Variants in PPM1B observed in about 807,000 individuals in gnomAD.
PPM1B encodes the protein protein phosphatase 1B.
Under a neutral mutation model 43.0 loss-of-function variants are expected in PPM1B, and 22 were observed. That is an observed-to-expected ratio of 0.51 (90% confidence interval 0.37 to 0.73). PPM1B has a LOEUF of 0.73. Among genes scored for constraint, PPM1B ranks in the 30% least tolerant of loss-of-function variants. The pLI, the probability that PPM1B is intolerant of heterozygous loss-of-function variation, is 0.00. For synonymous variants in PPM1B, 217 were observed against 197.9 expected, an observed-to-expected ratio of 1.10 and a Z score of -0.81; for missense variants, 632 against 584.2, an observed-to-expected ratio of 1.08 and a Z score of -0.84.
At chr2:44,193,664 C>T (rs1282116885) in intron 1 of PPM1B, among the ~76,000 whole-genome samples, 1 of 148,508 alleles carries the variant, frequency 6.7e-6, no homozygotes, top group East Asian at 2.0e-4. Flanking sequence ...ACTGTAACCT[C>T]TGTCTCTCAG....
intron 5 of PPM1B, among the ~76,000 whole-genome samples, chr2:44,224,737 ATC>A (rs1670138068): frequency 6.6e-6 from 1 of 152,254 alleles, no homozygotes; most frequent in Non-Finnish European, 1.5e-5. Flanking sequence ...CTGAATTCTC[ATC>A]TCAGTAATTG....
At chr2:44,199,719 G>C (rs1668841844) in intron 1 of PPM1B, among the ~76,000 whole-genome samples, 1 of 152,122 alleles carries the variant, frequency 6.6e-6, no homozygotes, top group Non-Finnish European at 1.5e-5. Context: ...TCTACTGATA[G>C]AATGAAAAAT....
chr2:44,171,400 G>A (rs1667336409), intron 1 of PPM1B, among the ~76,000 whole-genome samples: 1 of 152,154 alleles, frequency 6.6e-6, no homozygotes, highest in South Asian at 2.1e-4. Context: ...GGCTCTTGTT[G>A]AAAGTTATCT....
At chr2:44,215,440 A>G (rs1485335043) in intron 3 of PPM1B, among the ~76,000 whole-genome samples, 3 of 152,130 alleles carry the variant, frequency 2.0e-5, no homozygotes, top group Non-Finnish European at 2.9e-5. Context: ...CCTGGGCCAC[A>G]GAGTAAGAAC....
downstream of PPM1B, chr2:44,232,384 TG>T: frequency 1.3e-6 from 2 of 1,594,422 alleles, no homozygotes; most frequent in Non-Finnish European, 1.7e-6. Flanking sequence ...TTCTGAAAAT[TG>T]GGGGAAAAAA....
downstream of PPM1B, chr2:44,233,341 T>A: frequency 1.0e-6 from 1 of 982,432 alleles, no homozygotes; most frequent in South Asian, 4.7e-5. Flanking sequence ...TAACTTTTCA[T>A]TTTATAACAT....
At chr2:44,175,510 A>C (rs997680953) in intron 1 of PPM1B, among the ~76,000 whole-genome samples, 1 of 152,184 alleles carries the variant, frequency 6.6e-6, no homozygotes, top group African/African-American at 2.4e-5. Context: ...CAAAACAGAC[A>C]AAATCCCAAA....
At chr2:44,174,306 G>A (rs111782082) in intron 1 of PPM1B, among the ~76,000 whole-genome samples, 4 of 152,152 alleles carry the variant, frequency 2.6e-5, no homozygotes, top group Non-Finnish European at 4.4e-5. Flanking sequence ...AGTTAAATCC[G>A]ATCTCATACT....
At position 44,230,975 on chromosome 2, in the gene PPM1B, G is replaced by T; in HGVS notation, c.*257G>T. ...TGCCAGAAATTAGGCTACCAATTATGAATTAAAGTCAGTAGTTAAATTAAT... is the reference window on the plus strand; with the variant it reads ...TGCCAGAAATTAGGCTACCAATTATTAATTAAAGTCAGTAGTTAAATTAAT... On this transcript the variant is annotated 3_prime_UTR_variant, in exon 6 of 6. Coordinates refer to ENST00000282412, the MANE Select transcript of PPM1B (RefSeq NM_002706.6). 9.3e-7 allele frequency: 1 copy of T among 1,072,600 alleles called. No homozygotes were observed. The highest frequency in any genetic ancestry group is 1.1e-6 in the Non-Finnish European group (1 of 869,626). 66.4% of individuals were successfully genotyped at this position (1,072,600 alleles called of 1,614,324 possible).
At chr2:44,227,531 T>C (rs1670272724) in intron 5 of PPM1B, among the ~76,000 whole-genome samples, 1 of 151,622 alleles carries the variant, frequency 6.6e-6, no homozygotes, top group Non-Finnish European at 1.5e-5. Flanking sequence ...TTTTTTTTTT[T>C]TTTGGAGATG....
chr2:44,179,775 G>C (rs182193657), intron 1 of PPM1B, among the ~76,000 whole-genome samples: 1 of 152,100 alleles, frequency 6.6e-6, no homozygotes, highest in Non-Finnish European at 1.5e-5. Flanking sequence ...TTGGGAGGCC[G>C]AGGCGGGTGG....
Position 44,230,905 on chromosome 2 carries a change from A to G in PPM1B, c.*187A>G. ...TGAGATAGTGTAAAATTGACTATTT[A>G]TAGTACTATGGATTTAATGAAATTA... On this transcript the variant is annotated 3_prime_UTR_variant, in exon 6 of 6. Coordinates refer to ENST00000282412, the MANE Select transcript of PPM1B (RefSeq NM_002706.6). 2 of 1,304,814 alleles carry G rather than the reference A, an allele frequency of 1.5e-6. No homozygotes were observed. Among genetic ancestry groups the G allele is most frequent in the Non-Finnish European group, 2.0e-6 (2 of 1,010,520 alleles). 80.8% of individuals were successfully genotyped at this position (1,304,814 alleles called of 1,614,324 possible).
At chr2:44,186,614 A>G (rs987094506) in intron 1 of PPM1B, among the ~76,000 whole-genome samples, 2 of 152,318 alleles carry the variant, frequency 1.3e-5, no homozygotes, top group East Asian at 3.9e-4. Context: ...GACTCAGGCA[A>G]TCCACCCGCC....
At chr2:44,188,263 A>C (rs1668221888) in intron 1 of PPM1B, among the ~76,000 whole-genome samples, 1 of 152,164 alleles carries the variant, frequency 6.6e-6, no homozygotes, top group African/African-American at 2.4e-5. Flanking sequence ...AAGCCAGATG[A>C]AGTATCTTTT....
downstream of PPM1B, chr2:44,233,877 C>T: frequency 1.0e-6 from 1 of 985,494 alleles, no homozygotes; most frequent in Non-Finnish European, 1.2e-6. Flanking sequence ...CTGTTTGTCC[C>T]TTTACTGGGT....
intron 1 of PPM1B, among the ~76,000 whole-genome samples, chr2:44,179,480 G>A (rs547484908): frequency 1.3e-5 from 2 of 151,932 alleles, no homozygotes; most frequent in East Asian, 3.9e-4. Context: ...GATATTGAGA[G>A]TCTCTCTCTC....
intron 1 of PPM1B, among the ~76,000 whole-genome samples, chr2:44,193,730 C>A (rs1233978662): frequency 1.3e-5 from 2 of 152,018 alleles, no homozygotes; most frequent in South Asian, 4.2e-4. Flanking sequence ...AGGCACGTGC[C>A]ACCATGCCCG....
At chr2:44,246,404 A>G (rs996723241), downstream of PPM1B, among the ~76,000 whole-genome samples, 1 of 152,132 alleles carries the variant, frequency 6.6e-6, no homozygotes, top group African/African-American at 2.4e-5. Flanking sequence ...TTGTGGATTT[A>G]TCTAAGATAT....
chr2:44,232,356 C>G (rs768349825), downstream of PPM1B: 9 of 1,603,368 alleles, frequency 5.6e-6, no homozygotes, highest in Non-Finnish European at 7.7e-6. Flanking sequence ...CCTTAAAAAC[C>G]TTCTAAAATG....
Sources: gnomAD v4.1 joint callset for allele counts (sites outside exome capture counted in the v4.1 genomes callset) on GRCh38, gnomAD v4.1.1 for gene constraint, MANE v1.5 for transcripts, NCBI Gene and HGNC (gene_info 2026-07-23, HGNC 2026-07-21) for gene names.